The following ALDH1L1 variants were observed in gnomAD, a reference collection of about 807,000 sequenced individuals.
ALDH1L1 encodes aldehyde dehydrogenase 1 family member L1.
A neutral mutation model predicts 101.1 loss-of-function variants in ALDH1L1; 68 were observed. That is an observed-to-expected ratio of 0.67 (90% CI 0.55 to 0.82). The LOEUF is 0.82. Among genes scored for constraint, ALDH1L1 ranks in the 40% least tolerant of loss-of-function variants. The probability of loss-of-function intolerance (pLI) is 0.00; values close to 1 mark genes in which losing one functional copy is unlikely to be tolerated. For synonymous variants in ALDH1L1, 486 were observed against 470.8 expected (o/e 1.03, Z -0.42); for missense variants, 1,087 against 1,172.7 (o/e 0.93, Z 1.07).
intron 11 of ALDH1L1, 48 bp from the exon 12 acceptor site, chr3:126,135,710 C>T (rs372181344): frequency 1.6e-5 from 24 of 1,460,206 alleles, no homozygotes; most frequent in African/African-American, 8.8e-5. Flanking sequence ...GCCAGTTGCA[C>T]ACAGATACCC....
At chr3:126,114,526 T>C (rs1946175256) in intron 18 of ALDH1L1, 31 bp downstream of exon 18, 5 of 1,461,868 alleles carry the variant, frequency 3.4e-6, no homozygotes, top group Non-Finnish European at 4.5e-6. Flanking sequence ...TCCCGCTCAC[T>C]GTCCCTGCCC....
rs1559961154 is a variant in ALDH1L1 at position 126,157,338 on chromosome 3, C to T, written c.528+5G>A. ...GGCAGGGCGCGGCCGGCTCCAGGTCCTCACCATCCCTTTGATGCCTTCAGG... is the reference window on the plus strand; with the variant it reads ...GGCAGGGCGCGGCCGGCTCCAGGTCTTCACCATCCCTTTGATGCCTTCAGG... On this transcript the variant is annotated splice_donor_5th_base_variant and intron_variant, in intron 4 of 22. Transcript: ENST00000393434. The T allele has an allele frequency of 6.2e-7, 1 of 1,606,936 alleles. No homozygotes were observed. The highest frequency in any genetic ancestry group is 1.1e-5 in the South Asian group (1 of 90,620).
At chr3:126,110,325 A>G in intron 19 of ALDH1L1, 1 of 610,248 alleles carries the variant, frequency 1.6e-6, no homozygotes, top group East Asian at 2.8e-5. Context: ...AGGAGACAGG[A>G]GCCCAGCAAC....
chr3:126,153,160 T>C (rs867499456), intron 7 of ALDH1L1: 107 of 470,876 alleles, frequency 2.3e-4, no homozygotes, highest in African/African-American at 1.9e-3. Context: ...TGATTCTAGG[T>C]TGCCTGACAC....
At chr3:126,137,204 C>A (rs2080464904) in intron 10 of ALDH1L1, among the ~76,000 whole-genome samples, 1 of 152,314 alleles carries the variant, frequency 6.6e-6, no homozygotes, top group East Asian at 1.9e-4. Context: ...ATGCTACAAC[C>A]CACCACTCAC....
At chr3:126,153,168 C>T in intron 7 of ALDH1L1, 1 of 489,878 alleles carries the variant, frequency 2.0e-6, no homozygotes, top group South Asian at 2.0e-5. Flanking sequence ...GGTTGCCTGA[C>T]ACCCACACAG....
At chr3:126,136,639 C>A in intron 11 of ALDH1L1, 125 bp downstream of exon 11, 1 of 1,421,070 alleles carries the variant, frequency 7.0e-7, no homozygotes, top group South Asian at 1.4e-5. Flanking sequence ...CTTTCCCGTC[C>A]CTCTCAAAGG....
At chr3:126,153,076 AC>A in intron 7 of ALDH1L1, 2 of 347,500 alleles carry the variant, frequency 5.8e-6, no homozygotes, top group South Asian at 4.8e-5. Flanking sequence ...AGGCTTAATG[AC>A]CCCACACCCA....
intron 14 of ALDH1L1, among the ~76,000 whole-genome samples, chr3:126,126,542 G>C (rs940694139): frequency 1.3e-5 from 2 of 151,842 alleles, no homozygotes; most frequent in Non-Finnish European, 2.9e-5. Flanking sequence ...TGAGGCATCA[G>C]GGGGGAGCAG....
Position 126,153,427 on chromosome 3 carries a change from C to A in ALDH1L1, c.858+17G>T. On this transcript the variant is annotated intron_variant, in intron 7 of 22. Transcript: ENST00000393434. The stretch of plus-strand genomic sequence containing the variant: ...GGTGGCTTTGAGCAGGCAAGTGACC[C>A]ACAGCCGTGCCCTTACCATTTTGTC... The A allele has an allele frequency of 6.2e-7, 1 of 1,612,684 alleles. No individual in the cohort carries two copies. Among genetic ancestry groups the A allele is most frequent in the South Asian group, 1.1e-5 (1 of 91,082 alleles).
rs546752622 is a variant in ALDH1L1 at position 126,134,039 on chromosome 3, T to C, written c.1472+1496A>G. ...CTTCCTAGCTTCCACAATTGTGTAATGTCTGATTCCTGCAGTGAATTTCGT... is the reference window on the plus strand; with the variant it reads ...CTTCCTAGCTTCCACAATTGTGTAACGTCTGATTCCTGCAGTGAATTTCGT... On this transcript the variant is annotated intron_variant, in intron 12 of 22. Transcript: ENST00000393434. Among the ~76,000 whole-genome samples, 5 of 152,298 alleles carry C rather than the reference T, an allele frequency of 3.3e-5. No individual in the cohort carries two copies. In the South Asian group the frequency reaches 8.3e-4, roughly 25 times the overall value.
Position 126,110,065 on chromosome 3 carries a change from C to T in ALDH1L1, c.2226G>A (p.Arg742=). The T allele has an allele frequency of 1.2e-6, 2 of 1,614,172 alleles. No individual in the cohort carries two copies. The highest frequency in any genetic ancestry group is 1.6e-4 in the Middle Eastern group (1 of 6,062). Residue 742 remains arginine (R), a synonymous_variant, in exon 20 of 23, where the codon AGG becomes AGA. Transcript: ENST00000393434. The part of the protein sequence containing the change: ...RKMKVGNPLD[R]DTDHGPQNHH... ...GATTCTGCGGCCCGTGGTCGGTGTC[C>T]CTGTCCAGCGGGTTGCCCACCTTCA...
In ALDH1L1 at chr3:126,135,423, C is replaced by T. The variant is rs1388093736; in HGVS notation, c.1472+112G>A. The stretch of plus-strand genomic sequence containing the variant: ...TGATGGCCTCGGTCCCATAGCCTCC[C>T]CAGGACCCAGCTCCTCCTGGCAGGT... On this transcript the variant is annotated intron_variant, in intron 12 of 22. Coordinates refer to ENST00000393434, the MANE Select transcript of ALDH1L1 (RefSeq NM_012190.4). The T allele has an allele frequency of 4.7e-6, 7 of 1,477,382 alleles. No individual in the cohort carries two copies. The East Asian group carries it at 1.0e-4, about 22-fold the overall frequency. The allele number at this position is 1,477,382 out of a possible 1,614,324, so 91.5% of individuals were successfully genotyped here. A position where few individuals can be genotyped will look rare whatever the true frequency, so the allele number is the denominator to read the frequency against.
At chr3:126,177,851 C>T (rs1402462398) in intron 1 of ALDH1L1, among the ~76,000 whole-genome samples, 5 of 151,428 alleles carry the variant, frequency 3.3e-5, no homozygotes, top group African/African-American at 9.7e-5. Flanking sequence ...AGCAGCCTGG[C>T]TAACATGGTA....
At chr3:126,117,730 C>T (rs113907114) in intron 17 of ALDH1L1, among the ~76,000 whole-genome samples, 1 of 152,200 alleles carries the variant, frequency 6.6e-6, no homozygotes, top group African/African-American at 2.4e-5. Context: ...TGTGGGTGCT[C>T]AGTTCTTGAA....
intron 1 of ALDH1L1, among the ~76,000 whole-genome samples, chr3:126,174,879 G>T (rs938786625): frequency 1.8e-4 from 27 of 151,902 alleles, no homozygotes; most frequent in African/African-American, 6.3e-4. Flanking sequence ...ACAGAAGAAA[G>T]GAAATAATAA....
chr3:126,131,251 C>T (rs567130365), intron 13 of ALDH1L1, 133 bp downstream of exon 13: 264 of 1,170,318 alleles, frequency 2.3e-4, no homozygotes, highest in Non-Finnish European at 2.9e-4. Flanking sequence ...AGCTAATAAA[C>T]AGGTGTCATT....
chr3:126,107,793 C>G (rs540862637), intron 20 of ALDH1L1: 1 of 155,224 alleles, frequency 6.4e-6, no homozygotes, highest in Admixed American at 6.3e-5. Flanking sequence ...GGACCACCTA[C>G]TCCCAACCCT....
At position 126,117,991 on chromosome 3, in the gene ALDH1L1, C is replaced by A. The variant is rs1212920012; in HGVS notation, c.1982+14G>T. 3.7e-6 allele frequency: 6 copies of A among 1,609,808 alleles called. No individual in the cohort carries two copies. The highest frequency in any genetic ancestry group is 2.2e-5 in the East Asian group (1 of 44,824). On this transcript the variant is annotated intron_variant, in intron 17 of 22. Transcript: ENST00000393434. ...CACAGCAGCCCCTCCTCTGCTCCAC[C>A]CCCAGCCACGCACCTTTTCATGATG...
Sources: gnomAD v4.1 joint callset for allele counts (sites outside exome capture counted in the v4.1 genomes callset) on GRCh38, gnomAD v4.1.1 for gene constraint, MANE v1.5 for transcripts, NCBI Gene and HGNC (gene_info 2026-07-23, HGNC 2026-07-21) for gene names.